Variants in COL8A1 observed in about 807,000 individuals in gnomAD.
COL8A1 encodes the protein collagen alpha-1(VIII) chain.
A neutral mutation model predicts 42.7 loss-of-function variants in COL8A1; 21 were observed. The observed-to-expected ratio is 0.49, with a 90% CI of 0.35 to 0.71. The LOEUF is 0.71. COL8A1 is among the 30% of genes least tolerant of loss of function. The pLI is 0.01. For missense variants in COL8A1, 788 were observed against 962.4 expected, an observed-to-expected ratio of 0.82 and a Z score of 2.40; for synonymous variants, 367 against 369.1, an observed-to-expected ratio of 0.99 and a Z score of 0.06.
intron 1 of COL8A1, among the ~76,000 whole-genome samples, chr3:99,644,788 T>C (rs887538020): frequency 6.6e-6 from 1 of 152,192 alleles, no homozygotes; most frequent in Non-Finnish European, 1.5e-5. Context: ...TGTGCTACTT[T>C]TCCAACTCTA....
At chr3:99,675,993 A>G (rs1938681200) in intron 1 of COL8A1, among the ~76,000 whole-genome samples, 2 of 152,106 alleles carry the variant, frequency 1.3e-5, no homozygotes, top group Admixed American at 6.6e-5. Flanking sequence ...ATCTGGTGTT[A>G]TCATTGCATA....
At position 99,795,279 on chromosome 3, in the gene COL8A1, C is replaced by T. The variant is rs1344462804; in HGVS notation, c.1378C>T (p.Pro460Ser). Residue 460 changes from proline (P) to serine (S), a missense_variant, in exon 4 of 4, where the codon CCC becomes TCC. This residue lies in a region of COL8A1 where 154 missense variants were observed against 182.3 expected (regional missense o/e 0.84). Transcript: ENST00000652472. ...GMRGLPGPIG[P>S]KGEAGQKGVP... Reference sequence around the variant, plus strand: ...GAGGGGTTTGCCAGGTCCCATAGGGCCCAAGGGGGAAGCTGGGCAAAAAGG... The same window carrying T: ...GAGGGGTTTGCCAGGTCCCATAGGGTCCAAGGGGGAAGCTGGGCAAAAAGG... The T allele has an allele frequency of 2.5e-6, 4 of 1,612,586 alleles. No homozygotes were observed. In the South Asian group the frequency reaches 4.4e-5, roughly 18 times the overall value.
At chr3:99,708,641 T>C (rs1939749496) in intron 1 of COL8A1, among the ~76,000 whole-genome samples, 2 of 152,140 alleles carry the variant, frequency 1.3e-5, no homozygotes, top group African/African-American at 4.8e-5. Flanking sequence ...CTTGGAACCC[T>C]GTTGTATTTT....
chr3:99,697,212 T>G (rs2042619895), intron 1 of COL8A1, among the ~76,000 whole-genome samples: 1 of 151,858 alleles, frequency 6.6e-6, no homozygotes, highest in Non-Finnish European at 1.5e-5. Flanking sequence ...GGTCTCGATC[T>G]CCTGACCTCG....
intron 1 of COL8A1, among the ~76,000 whole-genome samples, chr3:99,671,185 A>C (rs1197905520): frequency 6.6e-6 from 1 of 152,094 alleles, no homozygotes; most frequent in Non-Finnish European, 1.5e-5. Context: ...AAATATGAAA[A>C]ATACAAGTAA....
At chr3:99,754,721 C>G (rs1360066892) in intron 2 of COL8A1, among the ~76,000 whole-genome samples, 3 of 152,126 alleles carry the variant, frequency 2.0e-5, no homozygotes, top group African/African-American at 7.2e-5. Context: ...GAGGTTCAAC[C>G]CCCTCTCACT....
chr3:99,738,365 T>C (rs1940795902), intron 1 of COL8A1, among the ~76,000 whole-genome samples: 1 of 152,210 alleles, frequency 6.6e-6, no homozygotes, highest in African/African-American at 2.4e-5. Flanking sequence ...TTTATCTGCT[T>C]TTGGTCTTTA....
At chr3:99,665,120 T>A (rs1938324472) in intron 1 of COL8A1, among the ~76,000 whole-genome samples, 1 of 152,208 alleles carries the variant, frequency 6.6e-6, no homozygotes, top group South Asian at 2.1e-4. Flanking sequence ...ATGTTGCCAT[T>A]TCTCAGACTA....
At chr3:99,694,897 T>C (rs1939325079) in intron 1 of COL8A1, among the ~76,000 whole-genome samples, 1 of 152,316 alleles carries the variant, frequency 6.6e-6, no homozygotes, top group South Asian at 2.1e-4. Flanking sequence ...AGAAGTTTTT[T>C]ACTACTGGCA....
At chr3:99,737,163 T>C (rs1440991373) in intron 1 of COL8A1, among the ~76,000 whole-genome samples, 1 of 152,236 alleles carries the variant, frequency 6.6e-6, no homozygotes, top group Non-Finnish European at 1.5e-5. Flanking sequence ...CACAGCACAC[T>C]GATGCGACTT....
At chr3:99,667,712 T>C (rs566595361) in intron 1 of COL8A1, among the ~76,000 whole-genome samples, 1 of 152,162 alleles carries the variant, frequency 6.6e-6, no homozygotes. Context: ...TTGTAATTAG[T>C]GTTTCAGTGG....
chr3:99,739,059 GGC>G (rs1225181530), intron 1 of COL8A1, among the ~76,000 whole-genome samples: 1 of 152,166 alleles, frequency 6.6e-6, no homozygotes, highest in African/African-American at 2.4e-5. Flanking sequence ...TCCCAAGTGA[GGC>G]AATGCCTCGC....
chr3:99,780,651 G>A (rs1201362153), intron 2 of COL8A1, among the ~76,000 whole-genome samples: 2 of 152,134 alleles, frequency 1.3e-5, no homozygotes, highest in Admixed American at 1.3e-4. Context: ...AAGTTCTGGT[G>A]CCTTATAATG....
chr3:99,709,924 T>G (rs1476693730), intron 1 of COL8A1, among the ~76,000 whole-genome samples: 1 of 152,176 alleles, frequency 6.6e-6, no homozygotes, highest in Non-Finnish European at 1.5e-5. Context: ...ACTCCCTTCT[T>G]CTCATGTGTG....
chr3:99,697,369 G>T (rs995003807), intron 1 of COL8A1, among the ~76,000 whole-genome samples: 2 of 152,152 alleles, frequency 1.3e-5, no homozygotes, highest in African/African-American at 4.8e-5. Context: ...TATTAAAGGC[G>T]TAGCTGCTAC....
chr3:99,733,487 T>C (rs1223318654), intron 1 of COL8A1, among the ~76,000 whole-genome samples: 1 of 149,794 alleles, frequency 6.7e-6, no homozygotes, highest in Non-Finnish European at 1.5e-5. Context: ...CTCATCATTT[T>C]TTATGGCTGC....
intron 1 of COL8A1, among the ~76,000 whole-genome samples, chr3:99,648,988 A>C (rs779277201): frequency 2.6e-5 from 4 of 152,132 alleles, no homozygotes; most frequent in Non-Finnish European, 5.9e-5. Context: ...CAAAAAAGGA[A>C]ACAAAGCCTA....
intron 1 of COL8A1, among the ~76,000 whole-genome samples, chr3:99,648,493 A>G (rs1937726972): frequency 6.6e-6 from 1 of 151,974 alleles, no homozygotes. Flanking sequence ...GCATGCTGTC[A>G]TTTCAGAGCC....
intron 2 of COL8A1, among the ~76,000 whole-genome samples, chr3:99,752,307 T>C (rs1941166447): frequency 6.6e-6 from 1 of 152,154 alleles, no homozygotes; most frequent in Admixed American, 6.6e-5. Flanking sequence ...AGATATAAAA[T>C]GGTTAGTACA....
Sources: gnomAD v4.1 joint callset for allele counts (sites outside exome capture counted in the v4.1 genomes callset) on GRCh38, gnomAD v4.1.1 for gene constraint, gnomAD v4.1.1 regional missense constraint, MANE v1.5 for transcripts, NCBI Gene and HGNC (gene_info 2026-07-23, HGNC 2026-07-21) for gene names.